The following LRRC7 variants were observed in gnomAD, a reference collection of about 807,000 sequenced individuals.
LRRC7 encodes the protein leucine-rich repeat-containing protein 7.
LRRC7 carries 23 observed loss-of-function variants against 175.7 expected under a neutral mutation model. That is an observed-to-expected ratio of 0.13 (90% CI 0.09 to 0.19). The LOEUF is 0.19. LRRC7 is among the 10% of genes least tolerant of loss of function. LRRC7 has a pLI of 1.00. For synonymous variants in LRRC7, 685 were observed against 680.9 expected (o/e 1.01, Z -0.09); for missense variants, 1,354 against 1,904.7 (o/e 0.71, Z 5.38).
In LRRC7 at chr1:69,685,067, G is replaced by T. The variant is rs559741679; in HGVS notation, c.100+6589G>T. On this transcript the variant is annotated intron_variant, in intron 2 of 26. Transcript: ENST00000651989. ...ACCTAGGAATATTAGAGAATCCAGA[G>T]CAGCACTTTTAACTCTAGCGGATGA... 5.9e-5 allele frequency among the ~76,000 whole-genome samples: 9 copies of T among 152,284 alleles called. No individual in the cohort carries two copies. The East Asian group carries it at 1.7e-3, about 29-fold the overall frequency.
In LRRC7 at chr1:69,986,361, G is replaced by T; in HGVS notation, c.906G>T (p.Met302Ile). ...AGGACCTCTTATTGTCATCCAATAT[G>T]TTGCAACAATTGCCTGATTCTATAG... The part of the protein sequence containing the change: ...ALEDLLLSSN[M>I]LQQLPDSIGL... The change falls in exon 10 of 27, where the codon ATG becomes ATT. Residue 302 changes from methionine (M) to isoleucine (I), a missense_variant. By Grantham distance (10) the Met-to-Ile change is conservative. Coordinates refer to ENST00000651989, the MANE Select transcript of LRRC7 (RefSeq NM_001370785.2). 1.2e-6 allele frequency: 2 copies of T among 1,613,022 alleles called. No homozygotes were observed. Among genetic ancestry groups the T allele is most frequent in the Non-Finnish European group, 1.7e-6 (2 of 1,179,474 alleles).
chr1:69,966,941 A>C (rs2101857515), intron 8 of LRRC7, among the ~76,000 whole-genome samples: 1 of 152,342 alleles, frequency 6.6e-6, no homozygotes, highest in Admixed American at 6.5e-5. Context: ...GAACTGATCA[A>C]GAAGTCTCCT....
chr1:69,896,528 A>G (rs545068891), intron 7 of LRRC7, among the ~76,000 whole-genome samples: 1 of 152,276 alleles, frequency 6.6e-6, no homozygotes, highest in South Asian at 2.1e-4. Context: ...TAGGTATCTT[A>G]TACATGGATT....
chr1:69,731,175 G>A (rs545330011), intron 2 of LRRC7, among the ~76,000 whole-genome samples: 26 of 152,080 alleles, frequency 1.7e-4, no homozygotes, highest in African/African-American at 5.1e-4. Context: ...GGTGGCGGGC[G>A]TCTGTAGTCC....
At chr1:69,599,205 G>A (rs1646958478) in intron 1 of LRRC7, among the ~76,000 whole-genome samples, 1 of 151,988 alleles carries the variant, frequency 6.6e-6, no homozygotes, top group Admixed American at 6.6e-5. Flanking sequence ...ATGGAATATA[G>A]TTGGAGTTTA....
At chr1:69,896,170 C>A (rs1367253977) in intron 7 of LRRC7, among the ~76,000 whole-genome samples, 2 of 151,324 alleles carry the variant, frequency 1.3e-5, no homozygotes, top group Non-Finnish European at 2.9e-5. Flanking sequence ...TATTTTATAT[C>A]GATGCATAAT....
At chr1:69,833,263 G>A (rs1183929813) in intron 5 of LRRC7, among the ~76,000 whole-genome samples, 1 of 152,124 alleles carries the variant, frequency 6.6e-6, no homozygotes, top group Non-Finnish European at 1.5e-5. Context: ...TTGGGGAAAT[G>A]TACACAGTGT....
At position 69,694,852 on chromosome 1, in the gene LRRC7, C is replaced by T. The variant is rs185982916; in HGVS notation, c.100+16374C>T. Among the ~76,000 whole-genome samples, 175 of 152,208 alleles carry T rather than the reference C, an allele frequency of 1.1e-3. 1 individual carries two copies. Among genetic ancestry groups the T allele is most frequent in the Middle Eastern group, 6.8e-3 (2 of 294 alleles). ...CCTCACTAGAAGCAGATGCTGGCACCATGCTTCTTGTACAGCCTACAGAAC... is the reference window on the plus strand; with the variant it reads ...CCTCACTAGAAGCAGATGCTGGCACTATGCTTCTTGTACAGCCTACAGAAC... On this transcript the variant is annotated intron_variant, in intron 2 of 26. Coordinates refer to ENST00000651989, the MANE Select transcript of LRRC7 (RefSeq NM_001370785.2).
At chr1:69,907,707 C>T (rs1185655203) in intron 7 of LRRC7, among the ~76,000 whole-genome samples, 3 of 152,072 alleles carry the variant, frequency 2.0e-5, no homozygotes, top group Non-Finnish European at 4.4e-5. Context: ...ATCAAGGACA[C>T]TGGTCTAAAA....
intron 22 of LRRC7, among the ~76,000 whole-genome samples, chr1:70,049,693 C>T (rs1428710409): frequency 1.3e-5 from 2 of 151,928 alleles, no homozygotes; most frequent in African/African-American, 4.8e-5. Flanking sequence ...ATTATATTAC[C>T]ACCTTCAGAT....
At chr1:69,858,957 C>G (rs982163176) in intron 7 of LRRC7, among the ~76,000 whole-genome samples, 2 of 152,016 alleles carry the variant, frequency 1.3e-5, no homozygotes, top group Admixed American at 6.6e-5. Context: ...CAAATATATA[C>G]GAACTCAACA....
At chr1:69,674,157 T>C (rs967268117) in intron 1 of LRRC7, among the ~76,000 whole-genome samples, 23 of 152,088 alleles carry the variant, frequency 1.5e-4, no homozygotes, top group African/African-American at 5.6e-4. Context: ...AAAATATAAG[T>C]GTTAATATTA....
intron 25 of LRRC7, among the ~76,000 whole-genome samples, chr1:70,093,281 A>G (rs1190020960): frequency 6.6e-6 from 1 of 152,206 alleles, no homozygotes; most frequent in Non-Finnish European, 1.5e-5. Flanking sequence ...TTGAGTATAT[A>G]CAAAATGCTG....
chr1:69,897,321 A>G (rs904005694), intron 7 of LRRC7, among the ~76,000 whole-genome samples: 1 of 152,182 alleles, frequency 6.6e-6, no homozygotes, highest in African/African-American at 2.4e-5. Flanking sequence ...TAGAACTTCA[A>G]TAAAATATTA....
chr1:70,131,502 G>A lies in LRRC7; in HGVS notation c.*9615G>A, dbSNP rs552865426. On this transcript the variant is annotated 3_prime_UTR_variant, in exon 27 of 27. Transcript: ENST00000651989. ...ACTCCAGAATTGAGTGAAATATTCCGAAACATTAAATGTTTTGTCATTGAC... is the reference window on the plus strand; with the variant it reads ...ACTCCAGAATTGAGTGAAATATTCCAAAACATTAAATGTTTTGTCATTGAC... 1.7e-4 allele frequency among the ~76,000 whole-genome samples: 26 copies of A among 152,210 alleles called. No individual in the cohort carries two copies. The highest frequency in any genetic ancestry group is 9.8e-4 in the Admixed American group (15 of 15,280).
chr1:70,031,563 A>C (rs908816968), intron 18 of LRRC7, among the ~76,000 whole-genome samples: 17 of 152,188 alleles, frequency 1.1e-4, no homozygotes, highest in Non-Finnish European at 2.4e-4. Flanking sequence ...ATTTGAAAAA[A>C]TCAATGCACA....
At chr1:69,653,689 A>G (rs762975824) in intron 1 of LRRC7, among the ~76,000 whole-genome samples, 6 of 152,086 alleles carry the variant, frequency 3.9e-5, no homozygotes, top group Non-Finnish European at 8.8e-5. Flanking sequence ...GATCTCAAAA[A>G]TATATTTATG....
At chr1:70,116,546 CA>C (rs11336931) in intron 26 of LRRC7, among the ~76,000 whole-genome samples, 58,748 of 104,546 alleles carry the variant, frequency 0.56, 13,184 homozygotes, top group Middle Eastern at 0.67. Context: ...GACTCCATGT[CA>C]AAAAAAAAAA....
At chr1:69,839,760 A>G (rs975254193) in intron 7 of LRRC7, among the ~76,000 whole-genome samples, 4 of 152,120 alleles carry the variant, frequency 2.6e-5, no homozygotes, top group African/African-American at 4.8e-5. Flanking sequence ...GTACAAAATA[A>G]ACCTGACATA....
Sources: gnomAD v4.1 joint callset for allele counts (sites outside exome capture counted in the v4.1 genomes callset) on GRCh38, gnomAD v4.1.1 for gene constraint, MANE v1.5 for transcripts, NCBI Gene and HGNC (gene_info 2026-07-23, HGNC 2026-07-21) for gene names.